The following IP6K1 variants were observed in gnomAD, a reference collection of about 807,000 sequenced individuals.
IP6K1 encodes the protein inositol hexakisphosphate kinase 1.
In IP6K1, 13 loss-of-function variants were observed where a neutral mutation model predicts 38.3. The ratio of observed to expected loss-of-function variants is 0.34; its 90% confidence interval spans 0.22 to 0.54. The LOEUF is 0.54. Ranked by LOEUF, IP6K1 falls within the 20% of genes least tolerant of loss-of-function variation. The pLI is 0.92. For missense variants in IP6K1, 397 were observed against 599.8 expected (o/e 0.66, Z 3.53); for synonymous variants, 212 against 229.9 (o/e 0.92, Z 0.70).
chr3:49,742,119 G>A (rs2080673818), intron 2 of IP6K1, among the ~76,000 whole-genome samples: 1 of 151,930 alleles, frequency 6.6e-6, no homozygotes, highest in Admixed American at 6.6e-5. Context: ...TAAATTCTTA[G>A]GATCTACTTT....
At chr3:49,732,742 C>A in intron 4 of IP6K1, 49 bp downstream of exon 4, 2 of 1,499,470 alleles carry the variant, frequency 1.3e-6, no homozygotes, top group Admixed American at 1.9e-5. Flanking sequence ...CCCCAACACA[C>A]GACCTATGGA....
chr3:49,730,957 C>T (rs1010361441), intron 4 of IP6K1, among the ~76,000 whole-genome samples: 4 of 152,092 alleles, frequency 2.6e-5, no homozygotes, highest in African/African-American at 2.4e-5. Flanking sequence ...GATCTGCCGG[C>T]CTCGGCCTCC....
chr3:49,753,492 A>C (rs537205334), intron 1 of IP6K1, among the ~76,000 whole-genome samples: 1 of 152,156 alleles, frequency 6.6e-6, no homozygotes, highest in East Asian at 1.9e-4. Flanking sequence ...TACTTTACTT[A>C]CTGATAATGT....
rs181814159 is a variant in IP6K1 at position 49,733,420 on chromosome 3, C to T, written c.435-448G>A. 1.1e-4 allele frequency among the ~76,000 whole-genome samples: 17 copies of T among 152,196 alleles called. No homozygotes were observed. The East Asian group carries it at 2.3e-3, about 21-fold the overall frequency. ...CAGCAATTCCATTCCTAGGTATACA[C>T]CCAAAAGAAATGACAAGGATCCAAA... On this transcript the variant is annotated intron_variant, in intron 3 of 5. Coordinates refer to ENST00000321599, the MANE Select transcript of IP6K1 (RefSeq NM_153273.4).
intron 1 of IP6K1, among the ~76,000 whole-genome samples, chr3:49,757,028 C>T (rs2080829630): frequency 6.6e-6 from 1 of 152,104 alleles, no homozygotes; most frequent in Admixed American, 6.6e-5. Flanking sequence ...AGAAAGCACA[C>T]ATGTAGAAGG....
intron 2 of IP6K1, 81 bp downstream of exon 2, chr3:49,747,737 G>A: frequency 1.3e-6 from 2 of 1,571,610 alleles, no homozygotes; most frequent in Non-Finnish European, 1.7e-6. Flanking sequence ...ATATATCATG[G>A]CAAACAAACC....
intron 1 of IP6K1, among the ~76,000 whole-genome samples, chr3:49,784,859 T>C (rs571604565): frequency 6.6e-6 from 1 of 151,698 alleles, no homozygotes; most frequent in South Asian, 2.1e-4. Flanking sequence ...GCAGGAAAAT[T>C]GCTTGAACCA....
At chr3:49,751,578 C>T (rs187209113) in intron 1 of IP6K1, among the ~76,000 whole-genome samples, 36 of 152,226 alleles carry the variant, frequency 2.4e-4, no homozygotes, top group Middle Eastern at 3.4e-3. Flanking sequence ...GCCTGCATAA[C>T]GTCTTTCTCT....
At chr3:49,782,853 T>C (rs1192425383) in intron 1 of IP6K1, among the ~76,000 whole-genome samples, 1 of 149,000 alleles carries the variant, frequency 6.7e-6, no homozygotes, top group Non-Finnish European at 1.5e-5. Flanking sequence ...CTCACACCTG[T>C]AATCCCAGCA....
chr3:49,742,316 G>GCA (rs1218817041), intron 2 of IP6K1, among the ~76,000 whole-genome samples: 2 of 151,910 alleles, frequency 1.3e-5, no homozygotes, highest in East Asian at 3.9e-4. Flanking sequence ...TTGGGAGGCT[G>GCA]AGGGGGGCGG....
chr3:49,730,986 G>C (rs1273202624), intron 4 of IP6K1, among the ~76,000 whole-genome samples: 1 of 151,934 alleles, frequency 6.6e-6, no homozygotes, highest in Non-Finnish European at 1.5e-5. Flanking sequence ...TGGGATTACA[G>C]GAATGAGCCT....
intron 1 of IP6K1, among the ~76,000 whole-genome samples, chr3:49,777,840 G>A (rs1056525940): frequency 1.3e-4 from 19 of 151,828 alleles, no homozygotes; most frequent in African/African-American, 3.9e-4. Flanking sequence ...GCGTGAACCC[G>A]GGAGGCGGAG....
intron 1 of IP6K1, among the ~76,000 whole-genome samples, chr3:49,783,754 T>C (rs1037358503): frequency 6.6e-6 from 1 of 151,250 alleles, no homozygotes. Flanking sequence ...AATATTTTAA[T>C]ATCCCCCTCC....
At chr3:49,769,727 CCTTA>C (rs1480569251) in intron 1 of IP6K1, among the ~76,000 whole-genome samples, 1 of 152,164 alleles carries the variant, frequency 6.6e-6, no homozygotes, top group Non-Finnish European at 1.5e-5. Context: ...ATGGTTTCTT[CCTTA>C]CTTTGTCTTA....
At position 49,738,388 on chromosome 3, in the gene IP6K1, A is replaced by G. The variant is rs1243449705; in HGVS notation, c.258T>C (p.Asp86=). 8.7e-6 allele frequency: 14 copies of G among 1,614,074 alleles called. No homozygotes were observed. The highest frequency in any genetic ancestry group is 1.2e-5 in the Non-Finnish European group (14 of 1,180,026). The change falls in exon 3 of 6, where the codon GAT becomes GAC. Residue 86 remains aspartate (D), a synonymous_variant. Coordinates refer to ENST00000321599, the MANE Select transcript of IP6K1 (RefSeq NM_153273.4). ...GATAGGCCACTAAGTTGATGTAACC[A>G]TCACTGTCCCCCTCAAAACAGACAG... ...VVSVCFEGDS[D]GYINLVAYPY... is the part of the protein sequence containing the mutation.
intron 4 of IP6K1, among the ~76,000 whole-genome samples, chr3:49,729,702 C>T (rs1490555534): frequency 6.7e-6 from 1 of 150,248 alleles, no homozygotes; most frequent in Non-Finnish European, 1.5e-5. Flanking sequence ...GTTACTGTGC[C>T]CAGCCTTATT....
chr3:49,763,172 C>A (rs1443168165), intron 1 of IP6K1, among the ~76,000 whole-genome samples: 2 of 146,908 alleles, frequency 1.4e-5, no homozygotes, highest in African/African-American at 5.1e-5. Flanking sequence ...GGCGCAATCT[C>A]GGCTCACTGC....
intron 1 of IP6K1, among the ~76,000 whole-genome samples, chr3:49,781,740 G>A (rs1427412392): frequency 6.6e-6 from 1 of 152,084 alleles, no homozygotes; most frequent in African/African-American, 2.4e-5. Flanking sequence ...TAAGCCTGTA[G>A]CAGTTCCTGA....
At chr3:49,747,787 G>T in intron 2 of IP6K1, 31 bp downstream of exon 2, 1 of 1,613,672 alleles carries the variant, frequency 6.2e-7, no homozygotes, top group Non-Finnish European at 8.5e-7. Context: ...GCCCAAGGCT[G>T]CTGCTTTCAT....
Sources: allele counts gnomAD v4.1 joint callset (sites outside exome capture counted in the v4.1 genomes callset), GRCh38; gene constraint gnomAD v4.1.1; transcripts MANE v1.5; gene names NCBI Gene and HGNC (gene_info 2026-07-23, HGNC 2026-07-21).